Variants in AUTS2 observed in about 807,000 individuals in gnomAD.
The protein encoded by AUTS2 is autism susceptibility gene 2 protein.
In AUTS2, 17 loss-of-function variants were observed where a neutral mutation model predicts 112.4. The ratio of observed to expected loss-of-function variants is 0.15; its 90% CI spans 0.10 to 0.23. The LOEUF is 0.23. Ranked by LOEUF, AUTS2 falls within the 10% of genes least tolerant of loss-of-function variation. AUTS2 has a pLI of 1.00. For synonymous variants in AUTS2, 751 were observed against 702.7 expected (o/e 1.07, Z -1.09); for missense variants, 1,510 against 1,701.6 (o/e 0.89, Z 1.98).
intron 2 of AUTS2, among the ~76,000 whole-genome samples, chr7:69,961,870 G>GA (rs112851249): frequency 2.0e-5 from 3 of 151,738 alleles, no homozygotes; most frequent in African/African-American, 4.8e-5. Flanking sequence ...AAGCTCTGAG[G>GA]AAAAAAAATA....
intron 1 of AUTS2, among the ~76,000 whole-genome samples, chr7:69,870,880 C>T (rs1793465347): frequency 1.3e-5 from 2 of 152,228 alleles, no homozygotes; most frequent in East Asian, 3.9e-4. Flanking sequence ...AAATTGCTAG[C>T]ATGAATTTTA....
At chr7:70,295,243 C>G (rs1307234801) in intron 4 of AUTS2, among the ~76,000 whole-genome samples, 1 of 152,174 alleles carries the variant, frequency 6.6e-6, no homozygotes, top group Non-Finnish European at 1.5e-5. Flanking sequence ...ACCTATCTGT[C>G]TATTAAGTGG....
Position 70,790,431 on chromosome 7 carries a change from G to A in AUTS2, c.3215G>A (p.Arg1072Gln). 6 of 1,612,598 alleles carry A rather than the reference G, an allele frequency of 3.7e-6. No individual in the cohort carries two copies. Among genetic ancestry groups the A allele is most frequent in the Non-Finnish European group, 4.2e-6 (5 of 1,179,454 alleles). Residue 1072 changes from arginine to glutamine, a missense_variant, in exon 19 of 19, where the codon CGG becomes CAG. By Grantham distance (43) the Arg-to-Gln change is conservative. Around this residue, in one of 3 missense-constraint regions of AUTS2, gnomAD observed 788 missense variants for 797.6 expected, o/e 0.99. Coordinates refer to ENST00000342771, the MANE Select transcript of AUTS2 (RefSeq NM_015570.4). This position sits in a 1 kb window ranked among gnomAD's most constrained non-coding sequence, Gnocchi z 7.6. ...CCTTCTTTCCACTGGGACCCCATCCGGGACCCCTTGAGGGATCCTTACCGA... is the reference window on the plus strand; with the variant it reads ...CCTTCTTTCCACTGGGACCCCATCCAGGACCCCTTGAGGGATCCTTACCGA... ...PYPSFHWDPIRDPLRDPYREL... is the reference protein window; with the variant it reads ...PYPSFHWDPIQDPLRDPYREL...
At chr7:70,648,493 T>C (rs1806300829) in intron 5 of AUTS2, among the ~76,000 whole-genome samples, 1 of 152,220 alleles carries the variant, frequency 6.6e-6, no homozygotes, top group African/African-American at 2.4e-5. Flanking sequence ...TATACATTCA[T>C]ATCATGAAGC....
At chr7:69,602,213 A>G (rs978057036) in intron 1 of AUTS2, among the ~76,000 whole-genome samples, 2 of 151,734 alleles carry the variant, frequency 1.3e-5, no homozygotes, top group African/African-American at 4.8e-5. Context: ...ATTTTAATTT[A>G]TTTTGTGCCT....
intron 2 of AUTS2, among the ~76,000 whole-genome samples, chr7:70,090,566 AT>A (rs1803861241): frequency 6.7e-6 from 1 of 148,876 alleles, no homozygotes. Flanking sequence ...ATTTCACCAT[AT>A]TGGCCAGGCT....
At chr7:70,120,996 A>T (rs1411438181) in intron 3 of AUTS2, among the ~76,000 whole-genome samples, 18 of 152,210 alleles carry the variant, frequency 1.2e-4, no homozygotes, top group Admixed American at 1.2e-3. Flanking sequence ...GCCTAATATT[A>T]GACATACAGA....
intron 6 of AUTS2, among the ~76,000 whole-genome samples, chr7:70,740,138 A>G (rs1788019707): frequency 6.6e-6 from 1 of 152,218 alleles, no homozygotes; most frequent in Non-Finnish European, 1.5e-5. Context: ...ATTTTTATTG[A>G]GACAGCCAAC....
In AUTS2 at chr7:70,791,290, G is replaced by A. The variant is rs1364753997; in HGVS notation, c.*294G>A. ...GTGAAGATGACAACACACACCAATTGGATGATAATTGTAGCGGGGGCGGTG... is the reference window on the plus strand; with the variant it reads ...GTGAAGATGACAACACACACCAATTAGATGATAATTGTAGCGGGGGCGGTG... On this transcript the variant is annotated 3_prime_UTR_variant, in exon 19 of 19. Transcript: ENST00000342771. The A allele has an allele frequency of 4.2e-6, 1 of 236,038 alleles. No homozygotes were observed. The highest frequency in any genetic ancestry group is 2.3e-5 in the African/African-American group (1 of 44,106). The allele number at this position is 236,038 out of a possible 1,614,324, so 14.6% of individuals were successfully genotyped here.
chr7:70,390,548 A>T (rs1422304965), intron 4 of AUTS2, among the ~76,000 whole-genome samples: 1 of 151,996 alleles, frequency 6.6e-6, no homozygotes, highest in Non-Finnish European at 1.5e-5. Context: ...GGGTGTGCAA[A>T]AGAACACTCA....
At chr7:70,618,733 AAAGAG>A (rs1804512327) in intron 5 of AUTS2, among the ~76,000 whole-genome samples, 1 of 151,598 alleles carries the variant, frequency 6.6e-6, no homozygotes, top group African/African-American at 2.4e-5. Context: ...AGAGAGAGAG[AAAGAG>A]AGAGAGAGAA....
chr7:70,551,355 A>T (rs940284053), intron 5 of AUTS2, among the ~76,000 whole-genome samples: 1 of 152,126 alleles, frequency 6.6e-6, no homozygotes, highest in Non-Finnish European at 1.5e-5. Context: ...GAGACCTTCA[A>T]CCTGGTGACC....
intron 1 of AUTS2, among the ~76,000 whole-genome samples, chr7:69,683,393 T>C (rs920542843): frequency 2.0e-5 from 3 of 152,308 alleles, no homozygotes; most frequent in Middle Eastern, 3.4e-3. Flanking sequence ...GGTCTGGTTT[T>C]TCAGTCTGCT....
chr7:70,563,070 T>C (rs1801555788), intron 5 of AUTS2, among the ~76,000 whole-genome samples: 1 of 152,092 alleles, frequency 6.6e-6, no homozygotes, highest in Non-Finnish European at 1.5e-5. Context: ...ATTGTAAAAC[T>C]AAAATCTAAA....
At chr7:69,833,126 C>T (rs554785583) in intron 1 of AUTS2, among the ~76,000 whole-genome samples, 119 of 152,272 alleles carry the variant, frequency 7.8e-4, no homozygotes, top group Non-Finnish European at 1.4e-3. Flanking sequence ...GATTGCTGGA[C>T]TCCACTCCTG....
intron 1 of AUTS2, among the ~76,000 whole-genome samples, chr7:69,613,452 G>C (rs1793151140): frequency 6.6e-6 from 1 of 152,078 alleles, no homozygotes; most frequent in Non-Finnish European, 1.5e-5. Context: ...TATAAAATCT[G>C]ACCTTTTCCC....
At chr7:70,082,751 T>A (rs183341974) in intron 2 of AUTS2, among the ~76,000 whole-genome samples, 4 of 152,332 alleles carry the variant, frequency 2.6e-5, no homozygotes, top group Admixed American at 2.6e-4. Flanking sequence ...AGTAAATTTC[T>A]TTTTGTCAAC....
chr7:70,583,343 T>G lies in AUTS2; in HGVS notation c.691-115226T>G, dbSNP rs1802535892. On this transcript the variant is annotated intron_variant, in intron 5 of 18. Coordinates refer to ENST00000342771, the MANE Select transcript of AUTS2 (RefSeq NM_015570.4). ...CCTAACAAGCTCAAGGTCTGCCTTG[T>G]GGAGCTGGCTGCTCTCTGGGGACCC... is the stretch of plus-strand genomic sequence containing the variant. Among the ~76,000 whole-genome samples the G allele has an allele frequency of 2.6e-5, 4 of 152,254 alleles. No homozygotes were observed. The South Asian group carries it at 8.3e-4, about 32-fold the overall frequency.
intron 2 of AUTS2, among the ~76,000 whole-genome samples, chr7:70,009,668 A>G (rs1033363768): frequency 1.3e-5 from 2 of 152,168 alleles, no homozygotes; most frequent in Non-Finnish European, 2.9e-5. Flanking sequence ...TCTTTTTTCA[A>G]TCTGAAAAAT....
Sources: allele counts gnomAD v4.1 joint callset (sites outside exome capture counted in the v4.1 genomes callset), GRCh38; gene constraint gnomAD v4.1.1; regional missense constraint gnomAD v4.1.1; non-coding constraint Gnocchi (gnomAD v3.1); transcripts MANE v1.5; gene names NCBI Gene and HGNC (gene_info 2026-07-23, HGNC 2026-07-21).